Variants in GRM7 observed in about 807,000 individuals in gnomAD.
GRM7 encodes the protein glutamate metabotropic receptor 7, also known as metabotropic glutamate receptor 7.
GRM7 carries 35 observed loss-of-function variants against 84.5 expected under a neutral mutation model. The observed-to-expected ratio is 0.41, with a 90% confidence interval of 0.32 to 0.55. The LOEUF is 0.55. Ranked by LOEUF, GRM7 falls within the 20% of genes least tolerant of loss-of-function variation. The probability of loss-of-function intolerance (pLI) is 0.19; values close to 1 mark genes in which losing one functional copy is unlikely to be tolerated. For missense variants in GRM7, 1,003 were observed against 1,194.6 expected (o/e 0.84, Z 2.36); for synonymous variants, 487 against 455.1 (o/e 1.07, Z -0.89).
intron 1 of GRM7, among the ~76,000 whole-genome samples, chr3:6,946,672 T>C (rs536490407): frequency 6.6e-6 from 1 of 152,340 alleles, no homozygotes; most frequent in Non-Finnish European, 1.5e-5. Flanking sequence ...TTTCATGATA[T>C]TGATTCTTCC....
intron 8 of GRM7, among the ~76,000 whole-genome samples, chr3:7,624,732 A>C (rs1697526126): frequency 6.6e-6 from 1 of 152,164 alleles, no homozygotes. Context: ...AATAAACATT[A>C]GTTTATCTTA....
At chr3:7,599,654 T>A (rs1559430071) in intron 8 of GRM7, among the ~76,000 whole-genome samples, 1 of 152,156 alleles carries the variant, frequency 6.6e-6, no homozygotes. Context: ...ATATGACTGA[T>A]AAAGTATTTT....
At chr3:7,263,634 C>T (rs919919239) in intron 2 of GRM7, among the ~76,000 whole-genome samples, 29 of 152,250 alleles carry the variant, frequency 1.9e-4, no homozygotes, top group East Asian at 3.9e-4. Flanking sequence ...CTCTGCTGTG[C>T]GCCCTCTGTG....
chr3:7,396,655 G>A (rs1168546864), intron 4 of GRM7, among the ~76,000 whole-genome samples: 3 of 152,014 alleles, frequency 2.0e-5, no homozygotes, highest in Non-Finnish European at 2.9e-5. Flanking sequence ...TTTAAGAATC[G>A]CATTTGGGAT....
chr3:7,185,227 C>T (rs1297965583), intron 2 of GRM7, among the ~76,000 whole-genome samples: 2 of 152,176 alleles, frequency 1.3e-5, no homozygotes, highest in East Asian at 1.9e-4. Context: ...CGACATTCAC[C>T]TCTTCCAAAA....
At chr3:7,099,557 GTA>G (rs1699016080) in intron 1 of GRM7, among the ~76,000 whole-genome samples, 3 of 145,952 alleles carry the variant, frequency 2.1e-5, no homozygotes, top group Non-Finnish European at 1.5e-5. Context: ...ATATGTATAT[GTA>G]CACGCATTAT....
chr3:6,862,625 G>A lies in GRM7; in HGVS notation c.519+718G>A, dbSNP rs1414391540. On this transcript the variant is annotated intron_variant, in intron 1 of 9. Transcript: ENST00000357716. This position sits in a 1 kb window ranked among gnomAD's most constrained non-coding sequence, Gnocchi z 5.2. Reference sequence around the variant, plus strand: ...TACATGTGCGATCCGGCCACTGGCCGGAGCTGGGCGATCAGCTTTCCACTC... The same window carrying A: ...TACATGTGCGATCCGGCCACTGGCCAGAGCTGGGCGATCAGCTTTCCACTC... The A allele has an allele frequency of 6.9e-5, 14 of 202,598 alleles. No homozygotes were observed. Among genetic ancestry groups the A allele is most frequent in the Non-Finnish European group, 1.0e-4 (10 of 99,638 alleles). 12.6% of individuals were successfully genotyped at this position (202,598 alleles called of 1,614,324 possible).
At chr3:7,164,270 A>T (rs2125081948) in intron 2 of GRM7, among the ~76,000 whole-genome samples, 1 of 152,270 alleles carries the variant, frequency 6.6e-6, no homozygotes, top group Middle Eastern at 3.4e-3. Context: ...GAGGCAGGAG[A>T]ATCACTTGAA....
chr3:7,184,709 G>T lies in GRM7; in HGVS notation c.736+38041G>T, dbSNP rs145964746. On this transcript the variant is annotated intron_variant, in intron 2 of 9. Coordinates refer to ENST00000357716, the MANE Select transcript of GRM7 (RefSeq NM_000844.4). ...AACTCTTAATATATTTAAGCAGTCT[G>T]CTCATAATGAATATTTATATATTCA... 7.4e-3 allele frequency among the ~76,000 whole-genome samples: 1,125 copies of T among 152,118 alleles called. 5 individuals are homozygous for T. Among genetic ancestry groups the T allele is most frequent in the African/African-American group, 0.025 (1,051 of 41,528 alleles).
At chr3:6,922,340 T>C (rs1408507466) in intron 1 of GRM7, among the ~76,000 whole-genome samples, 3 of 152,152 alleles carry the variant, frequency 2.0e-5, no homozygotes, top group Non-Finnish European at 2.9e-5. Flanking sequence ...TTTTTTTAAG[T>C]GAAGTCTTCT....
At chr3:6,970,940 C>G (rs1215637778) in intron 1 of GRM7, among the ~76,000 whole-genome samples, 1 of 151,944 alleles carries the variant, frequency 6.6e-6, no homozygotes, top group Non-Finnish European at 1.5e-5. Context: ...CAAGATCGTA[C>G]GACTACACTC....
In GRM7 at chr3:6,903,346, A is replaced by G. The variant is rs1301768059; in HGVS notation, c.519+41439A>G. 2.6e-5 allele frequency among the ~76,000 whole-genome samples: 4 copies of G among 152,114 alleles called. No homozygotes were observed. The East Asian group carries it at 7.7e-4, about 29-fold the overall frequency. Reference sequence around the variant, plus strand: ...ATATTTATTTGTATGGATTTTTGAAAAACTGCCTGGATTGTTTTGTGATTC... The same window carrying G: ...ATATTTATTTGTATGGATTTTTGAAGAACTGCCTGGATTGTTTTGTGATTC... On this transcript the variant is annotated intron_variant, in intron 1 of 9. Transcript: ENST00000357716.
rs552095555 is a variant in GRM7, at chr3:7,301,183, A to G, written c.878+2358A>G. Reference sequence around the variant, plus strand: ...ACGATGTTTTTTTCTCTCGTTATCTATCTGTCTAACTTACGTCTCTTCTTC... The same window carrying G: ...ACGATGTTTTTTTCTCTCGTTATCTGTCTGTCTAACTTACGTCTCTTCTTC... On this transcript the variant is annotated intron_variant, in intron 3 of 9. Transcript: ENST00000357716. Among the ~76,000 whole-genome samples, 3 of 151,960 alleles carry G rather than the reference A, an allele frequency of 2.0e-5. No homozygotes were observed. In the South Asian group the frequency reaches 6.3e-4, roughly 32 times the overall value.
intron 1 of GRM7, among the ~76,000 whole-genome samples, chr3:7,024,124 C>T (rs951355041): frequency 2.0e-5 from 3 of 152,126 alleles, no homozygotes; most frequent in Admixed American, 6.6e-5. Context: ...GAAATCTTAC[C>T]TCCCCCCTTG....
chr3:7,147,400 T>C (rs980550003), intron 2 of GRM7, among the ~76,000 whole-genome samples: 8 of 152,134 alleles, frequency 5.3e-5, no homozygotes, highest in African/African-American at 1.9e-4. Flanking sequence ...GGTAAATACA[T>C]ACCAATATGC....
chr3:7,135,198 C>G (rs1196782378), intron 1 of GRM7, among the ~76,000 whole-genome samples: 2 of 152,042 alleles, frequency 1.3e-5, no homozygotes, highest in Admixed American at 1.3e-4. Context: ...GAATTCCTGC[C>G]CAACCATCCT....
In GRM7 at chr3:7,265,396, G is replaced by T. The variant is rs1404161787; in HGVS notation, c.737-33288G>T. Among the ~76,000 whole-genome samples the T allele has an allele frequency of 3.3e-5, 5 of 152,060 alleles. No homozygotes were observed. The East Asian group carries it at 9.6e-4, about 29-fold the overall frequency. On this transcript the variant is annotated intron_variant, in intron 2 of 9. Transcript: ENST00000357716. ...TAATTCATAATAATTCTCTAAGTTG[G>T]ATAATATTATTATCCACATCTTGCC...
intron 1 of GRM7, among the ~76,000 whole-genome samples, chr3:6,923,721 TC>T (rs1697205329): frequency 6.6e-6 from 1 of 152,212 alleles, no homozygotes; most frequent in Non-Finnish European, 1.5e-5. Context: ...CTTTGCTCTA[TC>T]CATGAATTAT....
In GRM7 at chr3:7,505,345, A is replaced by G. The variant is rs1166076905; in HGVS notation, c.1515+43623A>G. ...GGTGTTACACACTGGTGGCTCTACA[A>G]TTCTTGAGTCTTGAGGGTGACCCTG... On this transcript the variant is annotated intron_variant, in intron 7 of 9. Transcript: ENST00000357716. Among the ~76,000 whole-genome samples the G allele has an allele frequency of 2.6e-4, 40 of 152,294 alleles. 1 individual carries two copies. Among genetic ancestry groups the G allele is most frequent in the Admixed American group, 2.6e-3 (40 of 15,296 alleles).
Sources: gnomAD v4.1 joint callset for allele counts (sites outside exome capture counted in the v4.1 genomes callset) on GRCh38, gnomAD v4.1.1 for gene constraint, Gnocchi (gnomAD v3.1) non-coding constraint, MANE v1.5 for transcripts, NCBI Gene and HGNC (gene_info 2026-07-23, HGNC 2026-07-21) for gene names.